The following KCNIP4 variants were observed in gnomAD, a reference collection of about 807,000 sequenced individuals.
KCNIP4 encodes Kv channel-interacting protein 4.
KCNIP4 carries 12 observed loss-of-function variants against 34.0 expected under a neutral mutation model. The ratio of observed to expected loss-of-function variants is 0.35; its 90% CI spans 0.23 to 0.57. KCNIP4 has a LOEUF of 0.57. Among genes scored for constraint, KCNIP4 ranks in the 20% least tolerant of loss-of-function variants. The pLI is 0.83. For missense variants in KCNIP4, 238 were observed against 311.7 expected (o/e 0.76, Z 1.78); for synonymous variants, 124 against 102.2 (o/e 1.21, Z -1.29).
chr4:20,943,123 C>CT (rs1277142712), intron 1 of KCNIP4, among the ~76,000 whole-genome samples: 1 of 44,948 alleles, frequency 2.2e-5, no homozygotes, highest in Non-Finnish European at 4.8e-5. Flanking sequence ...GCAGGCATTG[C>CT]ATTTTTTTAT....
In KCNIP4 at chr4:21,722,301, C is replaced by T. The variant is rs553089760; in HGVS notation, c.61+226270G>A. 2.6e-5 allele frequency among the ~76,000 whole-genome samples: 4 copies of T among 152,154 alleles called. No individual in the cohort carries two copies. The East Asian group carries it at 7.7e-4, about 29-fold the overall frequency. On this transcript the variant is annotated intron_variant, in intron 1 of 8. Transcript: ENST00000382152. The stretch of plus-strand genomic sequence containing the variant: ...TCCAGTGTATGCAGGGCTGTTATAG[C>T]CACACTTTAGGCATGTGAGGCGGGG...
chr4:20,879,126 A>G (rs1286813635), intron 2 of KCNIP4, among the ~76,000 whole-genome samples: 2 of 152,116 alleles, frequency 1.3e-5, no homozygotes, highest in South Asian at 2.1e-4. Context: ...GCTGCGGGCA[A>G]TTGACTGCCT....
At chr4:21,214,148 A>C (rs1757408755) in intron 1 of KCNIP4, among the ~76,000 whole-genome samples, 1 of 152,202 alleles carries the variant, frequency 6.6e-6, no homozygotes, top group Non-Finnish European at 1.5e-5. Flanking sequence ...GGTCAGTAGT[A>C]AGTATTTATT....
At chr4:21,016,720 C>G (rs1739580694) in intron 1 of KCNIP4, among the ~76,000 whole-genome samples, 1 of 152,160 alleles carries the variant, frequency 6.6e-6, no homozygotes, top group African/African-American at 2.4e-5. Context: ...TCAAGCAATT[C>G]TCCTGCCTCA....
At chr4:21,894,310 G>C (rs1727262223) in intron 1 of KCNIP4, among the ~76,000 whole-genome samples, 1 of 151,884 alleles carries the variant, frequency 6.6e-6, no homozygotes, top group African/African-American at 2.4e-5. Flanking sequence ...GCTCCAGCCT[G>C]GGTGACAAAG....
chr4:21,382,906 T>C (rs1242180200), intron 1 of KCNIP4, among the ~76,000 whole-genome samples: 1 of 152,192 alleles, frequency 6.6e-6, no homozygotes. Context: ...ACCATTTGAA[T>C]TGTGTCTCCC....
intron 1 of KCNIP4, among the ~76,000 whole-genome samples, chr4:20,899,722 G>C (rs1482403769): frequency 6.6e-6 from 1 of 152,198 alleles, no homozygotes; most frequent in African/African-American, 2.4e-5. Flanking sequence ...TGAATGAATG[G>C]TGAGCTCTTT....
intron 1 of KCNIP4, among the ~76,000 whole-genome samples, chr4:20,884,882 G>A (rs1725113610): frequency 6.6e-6 from 1 of 152,072 alleles, no homozygotes; most frequent in South Asian, 2.1e-4. Context: ...TGTATTTTTA[G>A]TAGAGACAGG....
chr4:21,941,313 C>T (rs1341625297), intron 1 of KCNIP4, among the ~76,000 whole-genome samples: 1 of 152,114 alleles, frequency 6.6e-6, no homozygotes, highest in Non-Finnish European at 1.5e-5. Flanking sequence ...GGGGAATCGT[C>T]ATTAGACTGC....
chr4:21,644,940 T>A lies in KCNIP4; in HGVS notation c.61+303631A>T, dbSNP rs1330443199. 3.9e-5 allele frequency among the ~76,000 whole-genome samples: 6 copies of A among 152,176 alleles called. No homozygotes were observed. The East Asian group carries it at 1.2e-3, about 29-fold the overall frequency. On this transcript the variant is annotated intron_variant, in intron 1 of 8. Coordinates refer to ENST00000382152, the MANE Select transcript of KCNIP4 (RefSeq NM_025221.6). ...TTGTTATTGTTTGCAAATAAATATC[T>A]GAGACTGTGGAATCCAAGAGTATCT... is the stretch of plus-strand genomic sequence containing the variant.
intron 1 of KCNIP4, among the ~76,000 whole-genome samples, chr4:21,947,049 G>C (rs1730548647): frequency 6.6e-6 from 1 of 152,158 alleles, no homozygotes; most frequent in African/African-American, 2.4e-5. Flanking sequence ...AAGCCATCCA[G>C]ATCCTGAGAC....
intron 1 of KCNIP4, among the ~76,000 whole-genome samples, chr4:21,526,593 T>G (rs1735994716): frequency 6.6e-6 from 1 of 152,014 alleles, no homozygotes; most frequent in Admixed American, 6.6e-5. Flanking sequence ...TATATATAGC[T>G]TATAACTTTA....
chr4:21,249,482 C>T (rs1760531716), intron 1 of KCNIP4, among the ~76,000 whole-genome samples: 1 of 151,940 alleles, frequency 6.6e-6, no homozygotes, highest in Admixed American at 6.6e-5. Flanking sequence ...ACCCTGCTAA[C>T]TCTATGAATT....
At chr4:21,184,293 G>C (rs1168077220) in intron 1 of KCNIP4, among the ~76,000 whole-genome samples, 2 of 152,212 alleles carry the variant, frequency 1.3e-5, no homozygotes, top group African/African-American at 4.8e-5. Context: ...TAAATAAATT[G>C]TTATTATTAT....
chr4:21,043,501 T>C (rs961164297), intron 1 of KCNIP4, among the ~76,000 whole-genome samples: 3 of 151,814 alleles, frequency 2.0e-5, no homozygotes, highest in African/African-American at 7.3e-5. Context: ...AGCTAATTTT[T>C]TTTTTTTTTG....
chr4:21,296,445 A>G (rs1763846410), intron 1 of KCNIP4, among the ~76,000 whole-genome samples: 1 of 151,478 alleles, frequency 6.6e-6, no homozygotes, highest in Non-Finnish European at 1.5e-5. Context: ...GTTCTTAGCT[A>G]TAATGGCAAA....
In KCNIP4 at chr4:20,979,129, T is replaced by A. The variant is rs906994345; in HGVS notation, c.62-96420A>T. Among the ~76,000 whole-genome samples the A allele has an allele frequency of 6.6e-5, 10 of 152,318 alleles. No individual in the cohort carries two copies. The South Asian group carries it at 2.1e-3, about 32-fold the overall frequency. On this transcript the variant is annotated intron_variant, in intron 1 of 8. Coordinates refer to ENST00000382152, the MANE Select transcript of KCNIP4 (RefSeq NM_025221.6). Reference sequence around the variant, plus strand: ...CCTTCCACTATACCTATAGCTATGATCTCTGCGTACTCCACATTTCTTTCT... The same window carrying A: ...CCTTCCACTATACCTATAGCTATGAACTCTGCGTACTCCACATTTCTTTCT...
At chr4:20,852,013 TCAAA>T (rs148292850) in intron 2 of KCNIP4, among the ~76,000 whole-genome samples, 18,916 of 151,888 alleles carry the variant, frequency 0.12, 1,376 homozygotes, top group Non-Finnish European at 0.16. Flanking sequence ...AGACCCTGTC[TCAAA>T]CAAACAATCA....
At chr4:21,068,695 G>C (rs1432270942) in intron 1 of KCNIP4, among the ~76,000 whole-genome samples, 1 of 152,038 alleles carries the variant, frequency 6.6e-6, no homozygotes, top group Non-Finnish European at 1.5e-5. Context: ...ATAGTAAGTA[G>C]CTTCTTTCAT....
Sources: allele counts gnomAD v4.1 joint callset (sites outside exome capture counted in the v4.1 genomes callset), GRCh38; gene constraint gnomAD v4.1.1; transcripts MANE v1.5; gene names NCBI Gene and HGNC (gene_info 2026-07-23, HGNC 2026-07-21).